BCL11A: variants seen among roughly 807,000 people sequenced by gnomAD.
BCL11A encodes B cell CLL/lymphoma 11A.
BCL11A carries 2 observed loss-of-function variants against 55.9 expected under a neutral mutation model. The ratio of observed to expected loss-of-function variants is 0.04; its 90% CI spans 0.01 to 0.11. BCL11A has a LOEUF of 0.11. Ranked by LOEUF, BCL11A falls within the 10% of genes least tolerant of loss-of-function variation. The probability of loss-of-function intolerance (pLI) is 1.00; values close to 1 mark genes in which losing one functional copy is unlikely to be tolerated. For synonymous variants in BCL11A, 465 were observed against 473.4 expected (o/e 0.98, Z 0.23); for missense variants, 817 against 1,137.1 (o/e 0.72, Z 4.05).
chr2:60,481,492 A>C (rs1051804368), intron 2 of BCL11A, among the ~76,000 whole-genome samples: 1 of 152,092 alleles, frequency 6.6e-6, no homozygotes, highest in South Asian at 2.1e-4. Flanking sequence ...AGGGTCACCC[A>C]GGGCTAGAAC....
At chr2:60,540,591 C>G (rs1402140744) in intron 2 of BCL11A, among the ~76,000 whole-genome samples, 1 of 152,152 alleles carries the variant, frequency 6.6e-6, no homozygotes, top group Non-Finnish European at 1.5e-5. Flanking sequence ...TCACAAAAAT[C>G]TAAAAAATGT....
At chr2:60,532,886 T>C (rs1669520635) in intron 2 of BCL11A, 1 of 152,224 alleles carries the variant, frequency 6.6e-6, no homozygotes, top group Non-Finnish European at 1.5e-5. Context: ...GCTAATGAGA[T>C]TGTCCCACCA....
At chr2:60,539,779 C>T (rs1669837003) in intron 2 of BCL11A, among the ~76,000 whole-genome samples, 1 of 152,166 alleles carries the variant, frequency 6.6e-6, no homozygotes, top group Non-Finnish European at 1.5e-5. Context: ...CAGAAAATGA[C>T]TCCAGTAGCA....
At chr2:60,488,665 C>T (rs1678430740) in intron 2 of BCL11A, among the ~76,000 whole-genome samples, 1 of 152,116 alleles carries the variant, frequency 6.6e-6, no homozygotes, top group Non-Finnish European at 1.5e-5. Context: ...AAAATAATAA[C>T]AAAAAATTTC....
chr2:60,483,568 T>A (rs1310609030), intron 2 of BCL11A, among the ~76,000 whole-genome samples: 1 of 152,244 alleles, frequency 6.6e-6, no homozygotes, highest in African/African-American at 2.4e-5. Context: ...GTTAGGGCAC[T>A]GTGTTCAACA....
intron 2 of BCL11A, among the ~76,000 whole-genome samples, chr2:60,486,193 G>A (rs1303786118): frequency 6.6e-6 from 1 of 152,108 alleles, no homozygotes; most frequent in African/African-American, 2.4e-5. Flanking sequence ...CTGGTACTGG[G>A]GATTTCAGGG....
At chr2:60,483,318 T>C (rs1473395164) in intron 2 of BCL11A, among the ~76,000 whole-genome samples, 1 of 152,166 alleles carries the variant, frequency 6.6e-6, no homozygotes, top group Non-Finnish European at 1.5e-5. Context: ...AATAATCAGC[T>C]CCATTCAGGC....
chr2:60,525,506 A>C (rs1350237272), intron 2 of BCL11A: 1 of 152,186 alleles, frequency 6.6e-6, no homozygotes, highest in Non-Finnish European at 1.5e-5. Flanking sequence ...CAAATCAAGA[A>C]AATAATATTC....
chr2:60,515,058 C>T (rs1450294605), intron 2 of BCL11A, among the ~76,000 whole-genome samples: 1 of 152,092 alleles, frequency 6.6e-6, no homozygotes, highest in African/African-American at 2.4e-5. Flanking sequence ...CCCACACCTC[C>T]AGGGGACCCC....
intron 2 of BCL11A, among the ~76,000 whole-genome samples, chr2:60,510,967 G>T (rs1208755679): frequency 6.6e-6 from 1 of 152,362 alleles, no homozygotes; most frequent in African/African-American, 2.4e-5. Flanking sequence ...TAAGGCTTAG[G>T]TGGAGCCTCT....
chr2:60,502,867 G>T, intron 2 of BCL11A, among the ~76,000 whole-genome samples: 1 of 152,166 alleles, frequency 6.6e-6, no homozygotes, highest in East Asian at 1.9e-4. Context: ...ATCAAGTCTC[G>T]AGTGGGTAAA....
At chr2:60,451,800 T>C (rs1675733160) in exon 5 of BCL11A, 1 of 230,128 alleles carries the variant, frequency 4.3e-6, no homozygotes, top group Non-Finnish European at 8.6e-6. Context: ...CAAAAGCATA[T>C]ATTTGAAAAA....
intron 2 of BCL11A, among the ~76,000 whole-genome samples, chr2:60,471,690 A>G (rs1043164778): frequency 4.6e-5 from 7 of 152,122 alleles, no homozygotes; most frequent in African/African-American, 1.7e-4. Flanking sequence ...CCCCAGCCAG[A>G]GATGGGCTCT....
At chr2:60,477,755 C>T (rs1376608248) in intron 2 of BCL11A, among the ~76,000 whole-genome samples, 1 of 152,052 alleles carries the variant, frequency 6.6e-6, no homozygotes, top group Non-Finnish European at 1.5e-5. Context: ...GCAGCCCCAG[C>T]GACACTGCAG....
intron 2 of BCL11A, chr2:60,524,405 A>C (rs1463666136): frequency 2.0e-5 from 3 of 152,248 alleles, no homozygotes; most frequent in East Asian, 3.9e-4. Context: ...GCTGCCATTC[A>C]TTCGGCCTGT....
At chr2:60,524,823 T>C (rs1669140155) in intron 2 of BCL11A, 1 of 152,176 alleles carries the variant, frequency 6.6e-6, no homozygotes, top group Non-Finnish European at 1.5e-5. Context: ...CATATCTCAT[T>C]CAATGCCACA....
intron 3 of BCL11A, among the ~76,000 whole-genome samples, chr2:60,466,045 C>T (rs1676588578): frequency 6.6e-6 from 1 of 152,178 alleles, no homozygotes; most frequent in African/African-American, 2.4e-5. Flanking sequence ...TGTTCTAGAG[C>T]TTTCTGGACC....
At chr2:60,479,369 G>A (rs1477420984) in intron 2 of BCL11A, among the ~76,000 whole-genome samples, 1 of 152,304 alleles carries the variant, frequency 6.6e-6, no homozygotes, top group South Asian at 2.1e-4. Flanking sequence ...AGACTGCTTG[G>A]GAAATGAGGT....
chr2:60,525,585 G>C (rs971735403), intron 2 of BCL11A: 1 of 152,090 alleles, frequency 6.6e-6, no homozygotes, highest in African/African-American at 2.4e-5. Context: ...AAACTGGTCA[G>C]TGGTGTTCAT....
Sources: allele counts gnomAD v4.1 joint callset (sites outside exome capture counted in the v4.1 genomes callset), GRCh38; gene constraint gnomAD v4.1.1; transcripts MANE v1.5; gene names NCBI Gene and HGNC (gene_info 2026-07-23, HGNC 2026-07-21).